The following MAST4 variants were observed in gnomAD, a reference collection of about 807,000 sequenced individuals.
MAST4 encodes the protein microtubule-associated serine/threonine-protein kinase 4.
In MAST4, 89 loss-of-function variants were observed where a neutral mutation model predicts 162.7. The observed-to-expected ratio is 0.55, with a 90% confidence interval of 0.46 to 0.65. MAST4 has a LOEUF of 0.65. MAST4 is among the 30% of genes least tolerant of loss of function. The probability of loss-of-function intolerance (pLI) is 0.00; values close to 1 mark genes in which losing one functional copy is unlikely to be tolerated. For synonymous variants in MAST4, 1,479 were observed against 1,361.1 expected, an observed-to-expected ratio of 1.09 and a Z score of -1.91; for missense variants, 3,153 against 3,374.0, an observed-to-expected ratio of 0.93 and a Z score of 1.62.
chr5:66,664,791 A>G (rs1438657319), intron 1 of MAST4, among the ~76,000 whole-genome samples: 1 of 152,188 alleles, frequency 6.6e-6, no homozygotes, highest in Non-Finnish European at 1.5e-5. Context: ...TCAATGAATT[A>G]AAAGATGAGA....
At chr5:66,631,155 T>C (rs1185261117) in intron 1 of MAST4, among the ~76,000 whole-genome samples, 1 of 152,170 alleles carries the variant, frequency 6.6e-6, no homozygotes, top group Admixed American at 6.5e-5. Context: ...CTAGTTAGAA[T>C]TGTGGATCAA....
intron 3 of MAST4, among the ~76,000 whole-genome samples, chr5:66,859,520 C>A (rs539426267): frequency 1.3e-5 from 2 of 152,128 alleles, no homozygotes; most frequent in Non-Finnish European, 2.9e-5. Flanking sequence ...TTCCCATAAA[C>A]CCCCAGGACT....
At chr5:67,089,519 A>T (rs922343373) in intron 5 of MAST4, among the ~76,000 whole-genome samples, 9 of 152,152 alleles carry the variant, frequency 5.9e-5, no homozygotes, top group African/African-American at 1.9e-4. Flanking sequence ...GAGCAGAGGG[A>T]TTGTTGAGGA....
intron 4 of MAST4, among the ~76,000 whole-genome samples, chr5:67,041,376 A>G (rs1756719117): frequency 6.6e-6 from 1 of 152,182 alleles, no homozygotes; most frequent in Non-Finnish European, 1.5e-5. Context: ...AACTAGGATA[A>G]TGTTTACATT....
chr5:67,123,040 A>G (rs1304576221), intron 14 of MAST4, among the ~76,000 whole-genome samples: 2 of 152,338 alleles, frequency 1.3e-5, no homozygotes, highest in Admixed American at 6.5e-5. Context: ...AAATTTGAAT[A>G]GAACCACCCC....
At chr5:66,908,530 G>T (rs972349245) in intron 4 of MAST4, among the ~76,000 whole-genome samples, 1 of 152,144 alleles carries the variant, frequency 6.6e-6, no homozygotes, top group African/African-American at 2.4e-5. Context: ...TAGAGTTTCG[G>T]GGGGTGTGTG....
At chr5:66,684,751 G>T (rs1310985390) in intron 1 of MAST4, among the ~76,000 whole-genome samples, 10 of 152,076 alleles carry the variant, frequency 6.6e-5, no homozygotes, top group Non-Finnish European at 1.3e-4. Flanking sequence ...ATTTTGGGGG[G>T]CTTACAATAT....
chr5:67,032,153 C>A (rs1340416641), intron 4 of MAST4, among the ~76,000 whole-genome samples: 3 of 152,100 alleles, frequency 2.0e-5, no homozygotes, highest in Admixed American at 2.0e-4. Flanking sequence ...ACCTGTAATC[C>A]ATTTTAGATT....
In MAST4 at chr5:66,739,570, A is replaced by G. The variant is rs544063119; in HGVS notation, c.364-20139A>G. ...TCTCTTCACTCCCCCTCAACAGCAT[A>G]TCTCTCAACGCCCTGGGGTAGTTGT... On this transcript the variant is annotated intron_variant, in intron 1 of 28. Coordinates refer to ENST00000403625, the MANE Select transcript of MAST4 (RefSeq NM_001164664.2). Among the ~76,000 whole-genome samples the G allele has an allele frequency of 9.2e-5, 14 of 152,238 alleles. 1 individual carries two copies. The South Asian group carries it at 2.9e-3, about 32-fold the overall frequency.
At position 66,649,958 on chromosome 5, in the gene MAST4, C is replaced by T. The variant is rs149334154; in HGVS notation, c.363+52940C>T. Among the ~76,000 whole-genome samples the T allele has an allele frequency of 3.0e-4, 45 of 152,118 alleles. No individual in the cohort carries two copies. The East Asian group carries it at 8.5e-3, about 29-fold the overall frequency. ...TGATTGCCCATTGGCTTCTCACTTT[C>T]AGGGCCTATACCAATTCACCTTTTT... is the stretch of plus-strand genomic sequence containing the variant. On this transcript the variant is annotated intron_variant, in intron 1 of 28. Coordinates refer to ENST00000403625, the MANE Select transcript of MAST4 (RefSeq NM_001164664.2).
chr5:66,880,136 G>T (rs946537552), intron 3 of MAST4, among the ~76,000 whole-genome samples: 1 of 152,186 alleles, frequency 6.6e-6, no homozygotes, highest in Non-Finnish European at 1.5e-5. Flanking sequence ...TGATATAAAA[G>T]AATCTCCTGA....
intron 25 of MAST4, 144 bp from the exon 26 acceptor site, chr5:67,153,314 A>G: frequency 3.6e-6 from 3 of 831,876 alleles, no homozygotes; most frequent in Non-Finnish European, 5.1e-6. Flanking sequence ...TAATGATAGA[A>G]TAGGAATAGT....
At chr5:67,121,860 A>T (rs1448364939) in intron 14 of MAST4, among the ~76,000 whole-genome samples, 3 of 152,006 alleles carry the variant, frequency 2.0e-5, no homozygotes, top group African/African-American at 7.2e-5. Context: ...TTGTTTTTTT[A>T]AAAATTTAAT....
chr5:66,819,241 C>T (rs189158673), intron 3 of MAST4, among the ~76,000 whole-genome samples: 2 of 152,218 alleles, frequency 1.3e-5, no homozygotes, highest in East Asian at 3.9e-4. Context: ...GAACATCTAG[C>T]CTTCTGCATT....
intron 4 of MAST4, among the ~76,000 whole-genome samples, chr5:66,947,215 C>T (rs539881256): frequency 1.2e-4 from 19 of 152,080 alleles, no homozygotes; most frequent in African/African-American, 4.1e-4. Flanking sequence ...GAAGTAGGAC[C>T]GTGGAAAATG....
At chr5:67,019,373 ATC>A (rs892440756) in intron 4 of MAST4, among the ~76,000 whole-genome samples, 1 of 152,066 alleles carries the variant, frequency 6.6e-6, no homozygotes, top group African/African-American at 2.4e-5. Context: ...CTGTATTTGG[ATC>A]TCTCTTGAAA....
intron 1 of MAST4, among the ~76,000 whole-genome samples, chr5:66,754,183 A>G (rs145081171): frequency 6.7e-6 from 1 of 149,370 alleles, no homozygotes; most frequent in Non-Finnish European, 1.5e-5. Flanking sequence ...TGACAAACCC[A>G]CAGCCAATAT....
At chr5:66,928,034 G>A (rs746587143) in intron 4 of MAST4, among the ~76,000 whole-genome samples, 14 of 151,970 alleles carry the variant, frequency 9.2e-5, no homozygotes, top group Non-Finnish European at 2.1e-4. Context: ...TTTTTTATAA[G>A]GACACAGTTA....
intron 1 of MAST4, among the ~76,000 whole-genome samples, chr5:66,718,599 C>T (rs528469688): frequency 6.6e-6 from 1 of 152,278 alleles, no homozygotes; most frequent in South Asian, 2.1e-4. Flanking sequence ...ATATCTATTA[C>T]AGTGTTGTTT....
Sources: allele counts gnomAD v4.1 joint callset (sites outside exome capture counted in the v4.1 genomes callset), GRCh38; gene constraint gnomAD v4.1.1; transcripts MANE v1.5; gene names NCBI Gene and HGNC (gene_info 2026-07-23, HGNC 2026-07-21).